The following SEC24A variants were observed in gnomAD, a reference collection of about 807,000 sequenced individuals.
SEC24A encodes the protein protein transport protein Sec24A.
SEC24A carries 93 observed loss-of-function variants against 129.4 expected under a neutral mutation model. The observed-to-expected ratio is 0.72, with a 90% CI of 0.61 to 0.85. The LOEUF (loss-of-function observed/expected upper bound fraction) is 0.85. Among genes scored for constraint, SEC24A ranks in the 40% least tolerant of loss-of-function variants. The pLI, the probability that SEC24A is intolerant of heterozygous loss-of-function variation, is 0.00. For missense variants in SEC24A, 1,264 were observed against 1,307.4 expected (o/e 0.97, Z 0.51); for synonymous variants, 460 against 467.3 (o/e 0.98, Z 0.20).
At chr5:134,707,810 T>C (rs1752209572) in intron 17 of SEC24A, among the ~76,000 whole-genome samples, 3 of 152,118 alleles carry the variant, frequency 2.0e-5, no homozygotes, top group African/African-American at 7.2e-5. Context: ...ATTTGAGAAG[T>C]CTTCAATTAT....
At chr5:134,716,815 A>G (rs1205923800) in intron 19 of SEC24A, among the ~76,000 whole-genome samples, 1 of 151,694 alleles carries the variant, frequency 6.6e-6, no homozygotes, top group East Asian at 1.9e-4. Context: ...AAAAAAAAAA[A>G]AAGAATTTAA....
intron 1 of SEC24A, among the ~76,000 whole-genome samples, chr5:134,655,531 C>T (rs888560150): frequency 9.9e-5 from 15 of 151,588 alleles, no homozygotes; most frequent in Admixed American, 3.3e-4. Context: ...CGCCTGTAAT[C>T]CCAGCTACTC....
chr5:134,710,785 A>T (rs1258131267), intron 18 of SEC24A, among the ~76,000 whole-genome samples: 1 of 152,154 alleles, frequency 6.6e-6, no homozygotes, highest in Non-Finnish European at 1.5e-5. Flanking sequence ...CAGTGTCCAA[A>T]ATTGAATGTC....
chr5:134,659,867 G>A (rs1230365018), intron 1 of SEC24A, among the ~76,000 whole-genome samples: 1 of 151,738 alleles, frequency 6.6e-6, no homozygotes, highest in East Asian at 1.9e-4. Context: ...TGTCCAGGCT[G>A]GTCTCGAACT....
chr5:134,709,962 C>T (rs534634048), intron 18 of SEC24A, among the ~76,000 whole-genome samples: 2 of 152,176 alleles, frequency 1.3e-5, no homozygotes, highest in East Asian at 1.9e-4. Context: ...TGCAGTAGCA[C>T]GATCTTGGCT....
chr5:134,697,322 A>T (rs1751859768), intron 14 of SEC24A, 76 bp downstream of exon 14: 5 of 1,232,820 alleles, frequency 4.1e-6, no homozygotes, highest in African/African-American at 1.5e-5. Flanking sequence ...TGTTCTAAAT[A>T]TAGAACAAAG....
At chr5:134,724,588 C>G (rs79510564) in intron 22 of SEC24A, among the ~76,000 whole-genome samples, 1 of 91,372 alleles carries the variant, frequency 1.1e-5, no homozygotes, top group African/African-American at 4.2e-5. Flanking sequence ...AACTCCATCT[C>G]AAAAAAAAAA....
chr5:134,675,138 A>G lies in SEC24A; in HGVS notation c.1072A>G (p.Asn358Asp), dbSNP rs1470621198. Reference sequence around the variant, plus strand: ...AGTTGTCAATCTTCTTCAAGAAAGAAACATGCTTCCGTCAACACCTTTGAA... The same window carrying G: ...AGTTGTCAATCTTCTTCAAGAAAGAGACATGCTTCCGTCAACACCTTTGAA... ...LRVVNLLQERNMLPSTPLKPP... is the reference protein window; with the variant it reads ...LRVVNLLQERDMLPSTPLKPP... The change falls in exon 6 of 23, where the codon AAC becomes GAC. Residue 358 changes from asparagine (N) to aspartate (D), a missense_variant. Transcript: ENST00000398844. 5 of 1,613,840 alleles carry G rather than the reference A, an allele frequency of 3.1e-6. No homozygotes were observed. The highest frequency in any genetic ancestry group is 4.2e-6 in the Non-Finnish European group (5 of 1,179,806).
At chr5:134,671,011 A>G (rs938440192) in intron 3 of SEC24A, among the ~76,000 whole-genome samples, 4 of 151,898 alleles carry the variant, frequency 2.6e-5, no homozygotes, top group African/African-American at 9.7e-5. Flanking sequence ...AAGAAAAGAA[A>G]GTAAGGTCTT....
In SEC24A at chr5:134,661,318, G is replaced by A. The variant is rs760923981; in HGVS notation, c.297G>A (p.Ser99=). 5.0e-6 allele frequency: 8 copies of A among 1,613,952 alleles called. No individual in the cohort carries two copies. In the South Asian group the frequency reaches 5.5e-5, roughly 11 times the overall value. Residue 99 remains serine, a synonymous_variant, in exon 2 of 23, where the codon TCG becomes TCA. Transcript: ENST00000398844. ...PPVASNPVTP[S]LHSGPAPRMP... ...TGGCCTCTAATCCAGTGACACCTTC[G>A]CTTCATAGTGGTCCTGCTCCCCGAA...
chr5:134,705,088 A>AT (rs1252732652), intron 16 of SEC24A, among the ~76,000 whole-genome samples: 2,169 of 129,246 alleles, frequency 0.017, 26 homozygotes, highest in East Asian at 0.058. Context: ...ATATATATAT[A>AT]TATTTTTTTT....
At chr5:134,694,505 G>A (rs570880688) in intron 13 of SEC24A, among the ~76,000 whole-genome samples, 12 of 152,216 alleles carry the variant, frequency 7.9e-5, no homozygotes, top group Admixed American at 2.6e-4. Context: ...AAATTAGCCG[G>A]GTGTGGTGGC....
At chr5:134,695,150 G>A (rs1181217037) in intron 13 of SEC24A, among the ~76,000 whole-genome samples, 6 of 151,998 alleles carry the variant, frequency 3.9e-5, no homozygotes, top group South Asian at 2.1e-4. Context: ...TGGAAGCATC[G>A]GTTGAGCTCA....
chr5:134,651,884 C>T (rs1402617935), intron 1 of SEC24A, among the ~76,000 whole-genome samples: 1 of 151,038 alleles, frequency 6.6e-6, no homozygotes, highest in Non-Finnish European at 1.5e-5. Flanking sequence ...TCTAGTTTTG[C>T]TTAACTATTC....
In SEC24A at chr5:134,703,666, T is replaced by C. The variant is rs968461264; in HGVS notation, c.2267-93T>C. ...GTACTGTGTATTATCTAGATTTCTT[T>C]ACTTTTTGCCAATCTGATAAGTAAC... On this transcript the variant is annotated intron_variant, in intron 15 of 22. Transcript: ENST00000398844. 2.0e-5 allele frequency: 16 copies of C among 816,206 alleles called. No individual in the cohort carries two copies. The Admixed American group carries it at 3.0e-4, about 15-fold the overall frequency. 50.6% of individuals were successfully genotyped at this position (816,206 alleles called of 1,614,324 possible). A position where few individuals can be genotyped will look rare whatever the true frequency, so the allele number is the denominator to read the frequency against.
At chr5:134,716,058 T>G (rs1752468134) in intron 19 of SEC24A, among the ~76,000 whole-genome samples, 1 of 152,164 alleles carries the variant, frequency 6.6e-6, no homozygotes, top group South Asian at 2.1e-4. Flanking sequence ...ATTGTTTTCC[T>G]TTGGTAGAAA....
chr5:134,702,883 A>G (rs1296403348), intron 15 of SEC24A, among the ~76,000 whole-genome samples: 3 of 151,422 alleles, frequency 2.0e-5, no homozygotes, highest in Admixed American at 6.6e-5. Context: ...TCCTGCCTCA[A>G]CCTCCCGAGT....
chr5:134,669,162 GA>G lies in SEC24A; in HGVS notation c.739+2175del, dbSNP rs779114106. Among the ~76,000 whole-genome samples, 23 of 151,176 alleles carry G rather than the reference GA, an allele frequency of 1.5e-4. No homozygotes were observed. The South Asian group carries it at 2.9e-3, about 19-fold the overall frequency. On this transcript the variant is annotated intron_variant, in intron 3 of 22. Transcript: ENST00000398844. Reference sequence around the variant, plus strand: ...CAAGTTACATTAAATATTTAAATAAGAAAAAAAAATTTTTTTTTTTTGAGAG... The same window carrying G: ...CAAGTTACATTAAATATTTAAATAAGAAAAAAAATTTTTTTTTTTTGAGAG...
chr5:134,723,749 A>C, intron 22 of SEC24A, 79 bp downstream of exon 22: 1 of 777,152 alleles, frequency 1.3e-6, no homozygotes, highest in Non-Finnish European at 2.2e-6. Context: ...ATAGCAAAAA[A>C]AAAGAAGAAA....
Sources: gnomAD v4.1 joint callset for allele counts (sites outside exome capture counted in the v4.1 genomes callset) on GRCh38, gnomAD v4.1.1 for gene constraint, MANE v1.5 for transcripts, NCBI Gene and HGNC (gene_info 2026-07-23, HGNC 2026-07-21) for gene names.